Variants in TOP1 observed in about 807,000 individuals in gnomAD.
TOP1 encodes DNA topoisomerase 1.
In TOP1, 10 loss-of-function variants were observed where a neutral mutation model predicts 111.1. That is an observed-to-expected ratio of 0.09 (90% CI 0.06 to 0.15). The LOEUF (loss-of-function observed/expected upper bound fraction) is 0.15. Ranked by LOEUF, TOP1 falls within the 10% of genes least tolerant of loss-of-function variation. The pLI is 1.00. For missense variants in TOP1, 474 were observed against 926.7 expected (o/e 0.51, Z 6.34); for synonymous variants, 271 against 302.9 (o/e 0.89, Z 1.10).
Position 41,073,255 on chromosome 20 carries a change from A to C in TOP1, c.156-2916A>C, listed in dbSNP as rs886091841. 47 of 985,268 alleles carry C rather than the reference A, an allele frequency of 4.8e-5. No homozygotes were observed. The African/African-American group carries it at 8.2e-4, about 17-fold the overall frequency. 61.0% of individuals were successfully genotyped at this position (985,268 alleles called of 1,614,324 possible). On this transcript the variant is annotated intron_variant, in intron 3 of 20. Coordinates refer to ENST00000361337, the MANE Select transcript of TOP1 (RefSeq NM_003286.4). The stretch of plus-strand genomic sequence containing the variant: ...TTCTAGTGAAAATGGCTAACATTCT[A>C]AGAAATGCTTTCACTGAGAAAGAGA...
At position 41,034,160 on chromosome 20, in the gene TOP1, T is replaced by C. The variant is rs1267639116; in HGVS notation, c.58+4705T>C. 6.6e-6 allele frequency among the ~76,000 whole-genome samples: 1 copy of C among 152,238 alleles called. No homozygotes were observed. The highest frequency in any genetic ancestry group is 1.5e-5 in the Non-Finnish European group (1 of 68,042). On this transcript the variant is annotated intron_variant, in intron 2 of 20. Transcript: ENST00000361337. The surrounding 1 kb of genome is among the most constrained non-coding windows in gnomAD (Gnocchi z 4.0). ...GGCAAACAGTTGACACATGGATTTC[T>C]TAAGGTAAAAAGTTTAGAGACTTCC...
In TOP1 at chr20:41,113,963, T is replaced by TGGGC; in HGVS notation, c.1453-6_1453-3dup. On this transcript the variant is annotated splice_polypyrimidine_tract_variant and splice_region_variant and intron_variant, in intron 14 of 20. Transcript: ENST00000361337. ...TCATGCTCATCTTTTCTTTCTTTCC[T>TGGGC]GGGCAGCTTGCTCTGAGAGCAGGCA... 1 of 1,611,044 alleles carries TGGGC rather than the reference T, an allele frequency of 6.2e-7. No homozygotes were observed. Among genetic ancestry groups the TGGGC allele is most frequent in the African/African-American group, 1.3e-5 (1 of 74,714 alleles).
Position 41,098,423 on chromosome 20 carries a change from A to G in TOP1, c.975+86A>G. 7.3e-7 allele frequency: 1 copy of G among 1,376,966 alleles called. No individual in the cohort carries two copies. The highest frequency in any genetic ancestry group is 1.0e-6 in the Non-Finnish European group (1 of 993,440). The allele number at this position is 1,376,966 out of a possible 1,614,324, so 85.3% of individuals were successfully genotyped here. On this transcript the variant is annotated intron_variant, in intron 11 of 20. Coordinates refer to ENST00000361337, the MANE Select transcript of TOP1 (RefSeq NM_003286.4). The surrounding 1 kb of genome is among the most constrained non-coding windows in gnomAD (Gnocchi z 5.7). ...TTCTTCTTGGTTCTTATGACACAAC[A>G]TTAACATCAGTAATTTCACATCATT...
Position 41,109,326 on chromosome 20 carries a change from T to C in TOP1, c.1309-3456T>C, listed in dbSNP as rs577331476. On this transcript the variant is annotated intron_variant, in intron 13 of 20. Transcript: ENST00000361337. The surrounding 1 kb of genome is among the most constrained non-coding windows in gnomAD (Gnocchi z 4.1). ...AAATTCAAAACGTTTTAAATCTATT[T>C]ATTAGTAAGACTAACATAGACCTAA... Among the ~76,000 whole-genome samples the C allele has an allele frequency of 7.2e-5, 11 of 152,340 alleles. No individual in the cohort carries two copies. The South Asian group carries it at 2.3e-3, about 32-fold the overall frequency.
In TOP1 at chr20:41,110,530, C is replaced by G. The variant is rs2034219002; in HGVS notation, c.1309-2252C>G. Among the ~76,000 whole-genome samples, 1 of 152,170 alleles carries G rather than the reference C, an allele frequency of 6.6e-6. No homozygotes were observed. Among genetic ancestry groups the G allele is most frequent in the South Asian group, 2.1e-4 (1 of 4,808 alleles). On this transcript the variant is annotated intron_variant, in intron 13 of 20. Transcript: ENST00000361337. The surrounding 1 kb of genome is among the most constrained non-coding windows in gnomAD (Gnocchi z 4.2). Reference sequence around the variant, plus strand: ...CAGAATCCAATTTGCCTTCTCACCCCCAACTTTGTAATCTTGAATCCAGAT... The same window carrying G: ...CAGAATCCAATTTGCCTTCTCACCCGCAACTTTGTAATCTTGAATCCAGAT...
chr20:41,079,740 G>A lies in TOP1; in HGVS notation c.336-345G>A, dbSNP rs752178494. ...GTTCAGATTGTGGGGTCAAATATAT[G>A]GTAGGTTTCCATGTAAGGCAAGAAA... On this transcript the variant is annotated intron_variant, in intron 5 of 20. Transcript: ENST00000361337. The surrounding 1 kb of genome is among the most constrained non-coding windows in gnomAD (Gnocchi z 4.0). 6.6e-5 allele frequency among the ~76,000 whole-genome samples: 10 copies of A among 152,164 alleles called. No individual in the cohort carries two copies. Among genetic ancestry groups the A allele is most frequent in the Non-Finnish European group, 1.2e-4 (8 of 68,036 alleles).
rs181182981 is a variant in TOP1, at chr20:41,101,495, G to A, written c.1308+142G>A. 1,177 of 885,568 alleles carry A rather than the reference G, an allele frequency of 1.3e-3. No homozygotes were observed. Among genetic ancestry groups the A allele is most frequent in the Non-Finnish European group, 1.2e-3 (698 of 598,792 alleles). The allele number at this position is 885,568 out of a possible 1,614,324, so 54.9% of individuals were successfully genotyped here. Reference sequence around the variant, plus strand: ...AAGAAGGCAAGTACTTTCATAGTTAGCATTATGGTGATCTTCCTACAGTGC... The same window carrying A: ...AAGAAGGCAAGTACTTTCATAGTTAACATTATGGTGATCTTCCTACAGTGC... On this transcript the variant is annotated intron_variant, in intron 13 of 20. Transcript: ENST00000361337. The surrounding 1 kb of genome is among the most constrained non-coding windows in gnomAD (Gnocchi z 4.1).
chr20:41,080,589 C>T lies in TOP1; in HGVS notation c.431+409C>T, dbSNP rs940424180. The stretch of plus-strand genomic sequence containing the variant: ...AGTGTGTAAAAATAATAAAACTGCT[C>T]ATAAAACGGTCGAGGCTTACATGTA... On this transcript the variant is annotated intron_variant, in intron 6 of 20. Transcript: ENST00000361337. The surrounding 1 kb of genome is among the most constrained non-coding windows in gnomAD (Gnocchi z 5.0). 1.3e-5 allele frequency among the ~76,000 whole-genome samples: 2 copies of T among 152,142 alleles called. No homozygotes were observed. The highest frequency in any genetic ancestry group is 6.5e-5 in the Admixed American group (1 of 15,280).
chr20:41,101,368 G>C lies in TOP1; in HGVS notation c.1308+15G>C. On this transcript the variant is annotated intron_variant, in intron 13 of 20. Transcript: ENST00000361337. This position sits in a 1 kb window ranked among gnomAD's most constrained non-coding sequence, Gnocchi z 4.1. ...CACGAATCAAGGTAAGGGGATAGTTGAGAGCTGCACTGGTTCATGGTGCTG... is the reference window on the plus strand; with the variant it reads ...CACGAATCAAGGTAAGGGGATAGTTCAGAGCTGCACTGGTTCATGGTGCTG... 6.2e-7 allele frequency: 1 copy of C among 1,613,100 alleles called. No individual in the cohort carries two copies. The highest frequency in any genetic ancestry group is 8.5e-7 in the Non-Finnish European group (1 of 1,179,212).
At chr20:41,107,047 C>T (rs2034157753) in intron 13 of TOP1, among the ~76,000 whole-genome samples, 1 of 152,140 alleles carries the variant, frequency 6.6e-6, no homozygotes, top group African/African-American at 2.4e-5. Flanking sequence ...GAAATACACC[C>T]TTTAATGTTT....
rs1318387771 is a variant in TOP1, at chr20:41,123,204, G to C, written c.2205G>C (p.Lys735Asn). Residue 735 changes from lysine (K) to asparagine (N), a missense_variant, in exon 21 of 21, where the codon AAG (lysine) becomes AAC (asparagine). By Grantham distance (94) the Lys-to-Asn change is moderately conservative. Around this residue, in one of 14 missense-constraint regions of TOP1, gnomAD observed 26 missense variants for 81.8 expected, o/e 0.32. Coordinates refer to ENST00000361337, the MANE Select transcript of TOP1 (RefSeq NM_003286.4). This position sits in a 1 kb window ranked among gnomAD's most constrained non-coding sequence, Gnocchi z 5.8. The part of the protein sequence containing the change: ...DPRITVAWCK[K>N]WGVPIEKIYN... ...TCTCCTTTGTTTGCAGGTGCAAGAAGTGGGGTGTCCCAATTGAGAAGATTT... is the reference window on the plus strand; with the variant it reads ...TCTCCTTTGTTTGCAGGTGCAAGAACTGGGGTGTCCCAATTGAGAAGATTT... 6.2e-7 allele frequency: 1 copy of C among 1,613,974 alleles called. No homozygotes were observed. The highest frequency in any genetic ancestry group is 1.7e-5 in the Admixed American group (1 of 60,030).
intron 8 of TOP1, among the ~76,000 whole-genome samples, chr20:41,089,260 A>G (rs1190510009): frequency 6.6e-6 from 1 of 152,132 alleles, no homozygotes; most frequent in Non-Finnish European, 1.5e-5. Context: ...TCCAGACCTC[A>G]GATGATCTGC....
At chr20:41,111,578 C>T (rs375658274) in intron 13 of TOP1, among the ~76,000 whole-genome samples, 88 of 146,098 alleles carry the variant, frequency 6.0e-4, no homozygotes, top group African/African-American at 1.8e-3. Context: ...AGGCTGGTTG[C>T]GCCCCCACCC....
chr20:41,075,760 G>A (rs1012732552), intron 3 of TOP1, among the ~76,000 whole-genome samples: 1 of 152,150 alleles, frequency 6.6e-6, no homozygotes, highest in Admixed American at 6.5e-5. Context: ...ACCCTGGCTT[G>A]GCTACATGTG....
chr20:41,054,350 A>G (rs892528861), intron 2 of TOP1, among the ~76,000 whole-genome samples: 3 of 150,992 alleles, frequency 2.0e-5, no homozygotes, highest in Non-Finnish European at 4.4e-5. Flanking sequence ...TGCTGCCATC[A>G]TTTGAAGAAG....
Position 41,121,285 on chromosome 20 carries a change from T to C in TOP1, c.1951-411T>C, listed in dbSNP as rs1180287184. 6.6e-6 allele frequency among the ~76,000 whole-genome samples: 1 copy of C among 152,152 alleles called. No individual in the cohort carries two copies. On this transcript the variant is annotated intron_variant, in intron 18 of 20. Transcript: ENST00000361337. This position sits in a 1 kb window ranked among gnomAD's most constrained non-coding sequence, Gnocchi z 4.2. ...ATGCAAGTATCCTGCTTCAGTTTCC[T>C]AAAGAGGAGCTCCTACAGTGTTCTT... is the stretch of plus-strand genomic sequence containing the variant.
intron 2 of TOP1, among the ~76,000 whole-genome samples, chr20:41,038,277 C>T (rs1032067235): frequency 1.3e-5 from 2 of 152,076 alleles, no homozygotes; most frequent in African/African-American, 4.8e-5. Flanking sequence ...AATATCAGAG[C>T]CTTAGTTCTT....
chr20:41,066,731 T>G (rs2033613121), intron 3 of TOP1, among the ~76,000 whole-genome samples: 1 of 152,036 alleles, frequency 6.6e-6, no homozygotes, highest in East Asian at 1.9e-4. Context: ...ATTTTTTATA[T>G]TTTTAGTAGA....
At chr20:41,033,967 A>G (rs1298220551) in intron 2 of TOP1, among the ~76,000 whole-genome samples, 1 of 151,912 alleles carries the variant, frequency 6.6e-6, no homozygotes, top group Non-Finnish European at 1.5e-5. Flanking sequence ...GTATTTTGAC[A>G]TTGGACCTGG....
Sources: gnomAD v4.1 joint callset for allele counts (sites outside exome capture counted in the v4.1 genomes callset) on GRCh38, gnomAD v4.1.1 for gene constraint, gnomAD v4.1.1 regional missense constraint, Gnocchi (gnomAD v3.1) non-coding constraint, MANE v1.5 for transcripts, NCBI Gene and HGNC (gene_info 2026-07-23, HGNC 2026-07-21) for gene names.